Variants in RGS7 observed in about 807,000 individuals in gnomAD.
RGS7 encodes regulator of G protein signaling 7.
In RGS7, 27 loss-of-function variants were observed where a neutral mutation model predicts 81.1. The observed-to-expected ratio is 0.33, with a 90% CI of 0.25 to 0.46. The LOEUF is 0.46. Among genes scored for constraint, RGS7 ranks in the 20% least tolerant of loss-of-function variants. The pLI is 1.00. For missense variants in RGS7, 396 were observed against 607.4 expected (o/e 0.65, Z 3.66); for synonymous variants, 208 against 207.7 (o/e 1.00, Z -0.01).
In RGS7 at chr1:240,859,692, C is replaced by T. The variant is rs73116050; in HGVS notation, c.609+8895G>A. Among the ~76,000 whole-genome samples, 905 of 152,002 alleles carry T rather than the reference C, an allele frequency of 6.0e-3. 7 individuals are homozygous for T. Among genetic ancestry groups the T allele is most frequent in the African/African-American group, 0.02 (838 of 41,466 alleles). On this transcript the variant is annotated intron_variant, in intron 9 of 18. Transcript: ENST00000440928. ...ATTTTATTGATTTTCTCTATATTCT[C>T]TTGCCATTCTCATTGATACCTGCTT...
chr1:240,877,730 T>C (rs1227255651), intron 6 of RGS7, among the ~76,000 whole-genome samples: 2 of 152,212 alleles, frequency 1.3e-5, no homozygotes, highest in Non-Finnish European at 2.9e-5. Context: ...CATGTATATA[T>C]ATGTGTCTTT....
chr1:241,343,256 T>C (rs1328460215), intron 2 of RGS7, among the ~76,000 whole-genome samples: 2 of 70,392 alleles, frequency 2.8e-5, no homozygotes, highest in East Asian at 4.1e-4. Flanking sequence ...AGCGAGACTG[T>C]GTCTCAAAAA....
chr1:241,295,223 C>T (rs772806492), intron 2 of RGS7, among the ~76,000 whole-genome samples: 11 of 151,760 alleles, frequency 7.2e-5, no homozygotes, highest in Non-Finnish European at 1.3e-4. Context: ...CCAAGGCGGG[C>T]GGATCACAAG....
intron 2 of RGS7, among the ~76,000 whole-genome samples, chr1:241,344,823 A>G (rs950010843): frequency 6.6e-6 from 1 of 152,218 alleles, no homozygotes; most frequent in Non-Finnish European, 1.5e-5. Flanking sequence ...AATTTAGTTC[A>G]TTTACTGAGC....
chr1:240,788,186 C>T (rs1685385048), intron 18 of RGS7, among the ~76,000 whole-genome samples: 1 of 152,200 alleles, frequency 6.6e-6, no homozygotes, highest in African/African-American at 2.4e-5. Flanking sequence ...TTAATTTTCA[C>T]AGAAGTATCT....
At chr1:240,898,369 G>T (rs1338007772) in intron 6 of RGS7, among the ~76,000 whole-genome samples, 1 of 152,080 alleles carries the variant, frequency 6.6e-6, no homozygotes, top group Non-Finnish European at 1.5e-5. Flanking sequence ...TTTTAATTGT[G>T]ATGTTACGGT....
At chr1:241,294,614 A>G (rs2079286050) in intron 2 of RGS7, among the ~76,000 whole-genome samples, 1 of 152,164 alleles carries the variant, frequency 6.6e-6, no homozygotes, top group African/African-American at 2.4e-5. Flanking sequence ...ACATTCACTC[A>G]CTACTCACTC....
chr1:241,221,974 C>T (rs1415072188), intron 2 of RGS7, among the ~76,000 whole-genome samples: 1 of 152,076 alleles, frequency 6.6e-6, no homozygotes, highest in Admixed American at 6.6e-5. Context: ...TAGACATACC[C>T]GTATTCTATT....
chr1:240,952,873 C>G (rs534580674), intron 4 of RGS7, among the ~76,000 whole-genome samples: 4 of 151,952 alleles, frequency 2.6e-5, no homozygotes, highest in African/African-American at 9.6e-5. Context: ...TAATCAAAAT[C>G]TTTTGAAATA....
intron 3 of RGS7, among the ~76,000 whole-genome samples, chr1:241,027,009 T>C (rs1038308754): frequency 4.4e-5 from 6 of 135,224 alleles, no homozygotes; most frequent in Non-Finnish European, 8.0e-5. Flanking sequence ...CTCAGCAACA[T>C]AAAAAGACCC....
At chr1:240,948,100 G>A (rs923268362) in intron 4 of RGS7, among the ~76,000 whole-genome samples, 6 of 152,150 alleles carry the variant, frequency 3.9e-5, no homozygotes, top group African/African-American at 7.2e-5. Context: ...GTAGAAGACC[G>A]CGTATCTTTT....
chr1:241,116,557 T>G (rs1391217191), intron 2 of RGS7, among the ~76,000 whole-genome samples: 1 of 152,110 alleles, frequency 6.6e-6, no homozygotes, highest in Non-Finnish European at 1.5e-5. Flanking sequence ...TTATTTCCTA[T>G]AAGACTCCAA....
At chr1:240,820,657 C>T (rs1418686884) in intron 10 of RGS7, among the ~76,000 whole-genome samples, 4 of 151,990 alleles carry the variant, frequency 2.6e-5, no homozygotes, top group Admixed American at 6.6e-5. Flanking sequence ...GCTCGTTTGC[C>T]GATTCCACGA....
chr1:240,973,893 A>C (rs1161292609), intron 4 of RGS7, among the ~76,000 whole-genome samples: 1 of 152,104 alleles, frequency 6.6e-6, no homozygotes, highest in African/African-American at 2.4e-5. Context: ...GACATTCTTT[A>C]CTTTCTCAGT....
chr1:241,053,290 C>T (rs2061339992), intron 3 of RGS7, among the ~76,000 whole-genome samples: 1 of 152,164 alleles, frequency 6.6e-6, no homozygotes, highest in African/African-American at 2.4e-5. Context: ...AACAGACACC[C>T]ATGCTGTAGG....
intron 15 of RGS7, 108 bp from the exon 16 acceptor site, chr1:240,803,101 G>C (rs1688276235): frequency 2.6e-6 from 2 of 769,034 alleles, no homozygotes; most frequent in Admixed American, 1.9e-5. Context: ...GCGAAAAATA[G>C]TAATAACAAT....
At chr1:240,987,359 C>T (rs146722309) in intron 3 of RGS7, among the ~76,000 whole-genome samples, 39 of 152,240 alleles carry the variant, frequency 2.6e-4, no homozygotes, top group Middle Eastern at 3.4e-3. Context: ...AGACGCTGAC[C>T]TTTGCAATGT....
intron 18 of RGS7, among the ~76,000 whole-genome samples, chr1:240,800,250 G>C (rs1461676825): frequency 6.6e-6 from 1 of 152,086 alleles, no homozygotes; most frequent in Non-Finnish European, 1.5e-5. Flanking sequence ...GGTTCCAATA[G>C]TGCCAGCCAA....
At chr1:241,220,426 G>T (rs146908004) in intron 2 of RGS7, among the ~76,000 whole-genome samples, 186 of 152,258 alleles carry the variant, frequency 1.2e-3, no homozygotes, top group Middle Eastern at 6.8e-3. Flanking sequence ...TGTTCTTAAA[G>T]CTCCCCAGAT....
Sources: gnomAD v4.1 joint callset for allele counts (sites outside exome capture counted in the v4.1 genomes callset) on GRCh38, gnomAD v4.1.1 for gene constraint, MANE v1.5 for transcripts, NCBI Gene and HGNC (gene_info 2026-07-23, HGNC 2026-07-21) for gene names.